The following LRRK2 variants were observed in gnomAD, a reference collection of about 807,000 sequenced individuals.
The protein encoded by LRRK2 is leucine-rich repeat serine/threonine-protein kinase 2.
Under a neutral mutation model 302.6 loss-of-function variants are expected in LRRK2, and 203 were observed. The observed-to-expected ratio is 0.67, with a 90% CI of 0.60 to 0.75. The LOEUF (loss-of-function observed/expected upper bound fraction) is 0.75. Ranked by LOEUF, LRRK2 falls within the 30% of genes least tolerant of loss-of-function variation. The pLI, the probability that LRRK2 is intolerant of heterozygous loss-of-function variation, is 0.00. For missense variants in LRRK2, 2,830 were observed against 2,951.0 expected (o/e 0.96, Z 0.95); for synonymous variants, 1,066 against 1,031.9 (o/e 1.03, Z -0.63).
chr12:40,364,958 A>G lies in LRRK2; in HGVS notation c.7298A>G (p.His2433Arg), dbSNP rs777900630. ...TALWIGTGGGHILLLDLSTRR... is the reference protein window; with the variant it reads ...TALWIGTGGGRILLLDLSTRR... ...CTTTGGATAGGAACTGGAGGAGGCC[A>G]TATTTTACTCCTGGATCTTTCAACT... Residue 2433 changes from histidine (H) to arginine (R), a missense_variant, in exon 49 of 51, where the codon CAT (histidine) becomes CGT (arginine). Around this residue, in one of 3 missense-constraint regions of LRRK2, gnomAD observed 456 missense variants for 456.3 expected, o/e 1.00. Coordinates refer to ENST00000298910, the MANE Select transcript of LRRK2 (RefSeq NM_198578.4). 4.3e-6 allele frequency: 7 copies of G among 1,612,642 alleles called. No homozygotes were observed. The highest frequency in any genetic ancestry group is 5.9e-6 in the Non-Finnish European group (7 of 1,179,176).
chr12:40,294,167 CTATCTATCTATCATCT>C (rs1370877661), intron 21 of LRRK2, among the ~76,000 whole-genome samples: 1 of 130,850 alleles, frequency 7.6e-6, no homozygotes, highest in Non-Finnish European at 1.7e-5. Flanking sequence ...ATCTATCTAT[CTATCTATCTATCATCT>C]ATCTATCAAT....
At chr12:40,270,443 AG>A (rs1592195925) in intron 14 of LRRK2, among the ~76,000 whole-genome samples, 1 of 152,210 alleles carries the variant, frequency 6.6e-6, no homozygotes, top group East Asian at 1.9e-4. Flanking sequence ...TCTTTAGAAA[AG>A]TTTAATTCCC....
In LRRK2 at chr12:40,295,620, G is replaced by C; in HGVS notation, c.3072G>C (p.Thr1024=). The change falls in exon 23 of 51, where the codon ACG becomes ACC. Residue 1024 remains threonine, a synonymous_variant. Coordinates refer to ENST00000298910, the MANE Select transcript of LRRK2 (RefSeq NM_198578.4). ...EKLELHQNAL[T]SFPQQLCETL... is the part of the protein sequence containing the mutation. ...TGGAGCTTCACCAGAATGCACTCACGAGCTTTCCACAACAGCTATGTGAAG... is the reference window on the plus strand; with the variant it reads ...TGGAGCTTCACCAGAATGCACTCACCAGCTTTCCACAACAGCTATGTGAAG... 9.3e-6 allele frequency: 15 copies of C among 1,613,880 alleles called. No individual in the cohort carries two copies. The highest frequency in any genetic ancestry group is 1.3e-5 in the Non-Finnish European group (15 of 1,179,924).
At position 40,322,658 on chromosome 12, in the gene LRRK2, A is replaced by G. The variant is rs570726338; in HGVS notation, c.5509+148A>G. The G allele has an allele frequency of 2.1e-5, 15 of 704,828 alleles. No homozygotes were observed. In the African/African-American group the frequency reaches 2.2e-4, roughly 10 times the overall value. The allele number at this position is 704,828 out of a possible 1,614,324, so 43.7% of individuals were successfully genotyped here. A position where few individuals can be genotyped will look rare whatever the true frequency, so the allele number is the denominator to read the frequency against. On this transcript the variant is annotated intron_variant, in intron 37 of 50. Transcript: ENST00000298910. ...TAGGGACAGTTCAGAAAACTGAATT[A>G]TATTTATTACCAATAAAATCTTGTA...
Position 40,251,352 on chromosome 12 carries a change from A to T in LRRK2, c.1079A>T (p.His360Leu), listed in dbSNP as rs1942262073. The change falls in exon 9 of 51, where the codon CAT (histidine) becomes CTT (leucine). Residue 360 changes from histidine (H) to leucine (L), a missense_variant. By Grantham distance (99) the His-to-Leu change is moderately conservative. Transcript: ENST00000298910. Reference protein sequence around the residue: ...LEACYKALTWHRKNKHVQEAA... With the variant: ...LEACYKALTWLRKNKHVQEAA... ...GCCTGTTACAAAGCATTAACGTGGC[A>T]TAGAAAGAACAAGCACGTGCAGGTA... The T allele has an allele frequency of 1.9e-6, 3 of 1,614,044 alleles. No individual in the cohort carries two copies. The South Asian group carries it at 3.3e-5, about 18-fold the overall frequency.
intron 42 of LRRK2, among the ~76,000 whole-genome samples, chr12:40,347,919 T>G (rs1285830860): frequency 6.6e-6 from 1 of 151,510 alleles, no homozygotes; most frequent in African/African-American, 2.4e-5. Flanking sequence ...ATTGCGCCAC[T>G]GCACTCCAGC....
At chr12:40,270,070 A>C (rs1943171320) in intron 14 of LRRK2, among the ~76,000 whole-genome samples, 1 of 152,156 alleles carries the variant, frequency 6.6e-6, no homozygotes, top group Non-Finnish European at 1.5e-5. Context: ...CTGATTTTTC[A>C]CTTAGAGTTG....
intron 46 of LRRK2, among the ~76,000 whole-genome samples, chr12:40,358,438 T>C (rs948428252): frequency 6.6e-6 from 1 of 152,216 alleles, no homozygotes; most frequent in Non-Finnish European, 1.5e-5. Flanking sequence ...CTTTCATCCT[T>C]CTGCATACTG....
chr12:40,290,386 T>A (rs1944096935), intron 20 of LRRK2, among the ~76,000 whole-genome samples: 1 of 152,014 alleles, frequency 6.6e-6, no homozygotes, highest in African/African-American at 2.4e-5. Flanking sequence ...TTCCTTGTAA[T>A]TATGGGAGTA....
chr12:40,363,399 T>G lies in LRRK2; in HGVS notation c.7029-3T>G, dbSNP rs199932095. ...ATGACTTTCTATTTTTTTTTCTCTG[T>G]AGGTTTTCTTATGCAGCTTTCAGTG... On this transcript the variant is annotated splice_polypyrimidine_tract_variant and splice_region_variant and intron_variant, in intron 47 of 50. Transcript: ENST00000298910. 6.8e-6 allele frequency: 11 copies of G among 1,610,582 alleles called. No homozygotes were observed. The highest frequency in any genetic ancestry group is 8.5e-6 in the Non-Finnish European group (10 of 1,177,970).
intron 19 of LRRK2, among the ~76,000 whole-genome samples, chr12:40,284,883 G>A (rs776174823): frequency 5.3e-5 from 8 of 152,150 alleles, no homozygotes; most frequent in Non-Finnish European, 1.2e-4. Flanking sequence ...TTTTTATGAT[G>A]CACTCACTAG....
intron 44 of LRRK2, among the ~76,000 whole-genome samples, chr12:40,352,688 A>T (rs1946392829): frequency 6.7e-6 from 1 of 149,248 alleles, no homozygotes; most frequent in Non-Finnish European, 1.5e-5. Context: ...GCCTTCAAGC[A>T]TCTGTTTAAC....
intron 14 of LRRK2, among the ~76,000 whole-genome samples, chr12:40,265,837 A>T (rs1942986758): frequency 6.6e-6 from 1 of 152,172 alleles, no homozygotes; most frequent in African/African-American, 2.4e-5. Context: ...GAGCCCTCAG[A>T]AATAATGCCG....
At chr12:40,285,325 G>C (rs534251316) in intron 19 of LRRK2, among the ~76,000 whole-genome samples, 16 of 152,152 alleles carry the variant, frequency 1.1e-4, no homozygotes, top group African/African-American at 3.9e-4. Flanking sequence ...TGAAGTCAAT[G>C]TCAATTTTGT....
intron 2 of LRRK2, among the ~76,000 whole-genome samples, chr12:40,227,076 G>A (rs1012544326): frequency 9.9e-5 from 15 of 152,148 alleles, no homozygotes; most frequent in Non-Finnish European, 2.1e-4. Flanking sequence ...GAGCATACTT[G>A]TCCGGAGTAG....
intron 28 of LRRK2, among the ~76,000 whole-genome samples, chr12:40,307,214 A>C (rs887473285): frequency 1.3e-5 from 2 of 152,014 alleles, no homozygotes; most frequent in Non-Finnish European, 1.5e-5. Flanking sequence ...AAATCAAGAA[A>C]GGTAATGTTG....
intron 25 of LRRK2, among the ~76,000 whole-genome samples, chr12:40,301,500 G>A (rs1944623172): frequency 6.6e-6 from 1 of 152,072 alleles, no homozygotes; most frequent in Admixed American, 6.6e-5. Context: ...TTTCCATACA[G>A]CATATGAAAC....
At chr12:40,363,277 A>T (rs1390822498) in intron 47 of LRRK2, 125 bp from the exon 48 acceptor site, 1 of 783,582 alleles carries the variant, frequency 1.3e-6, no homozygotes, top group Non-Finnish European at 2.0e-6. Flanking sequence ...TAATTGCAAT[A>T]GTCTAGCTTG....
chr12:40,246,769 CAG>C (rs1462142858), intron 7 of LRRK2, among the ~76,000 whole-genome samples: 3 of 152,150 alleles, frequency 2.0e-5, no homozygotes, highest in Non-Finnish European at 2.9e-5. Context: ...CCTTACCTTG[CAG>C]AGAGTCTGAA....
Sources: allele counts gnomAD v4.1 joint callset (sites outside exome capture counted in the v4.1 genomes callset), GRCh38; gene constraint gnomAD v4.1.1; regional missense constraint gnomAD v4.1.1; transcripts MANE v1.5; gene names NCBI Gene and HGNC (gene_info 2026-07-23, HGNC 2026-07-21).